The following TRIM37 variants were observed in gnomAD, a reference collection of about 807,000 sequenced individuals.
The protein encoded by TRIM37 is E3 ubiquitin-protein ligase TRIM37.
A neutral mutation model predicts 129.8 loss-of-function variants in TRIM37; 80 were observed. The observed-to-expected ratio is 0.62, with a 90% CI of 0.51 to 0.74. The LOEUF is 0.74. Among genes scored for constraint, TRIM37 ranks in the 30% least tolerant of loss-of-function variants. The pLI, the probability that TRIM37 is intolerant of heterozygous loss-of-function variation, is 0.00. For synonymous variants in TRIM37, 389 were observed against 387.1 expected (o/e 1.00, Z -0.06); for missense variants, 1,054 against 1,176.5 (o/e 0.90, Z 1.52).
intron 11 of TRIM37, among the ~76,000 whole-genome samples, 174 bp from the exon 12 acceptor site, chr17:59,061,282 A>C (rs1427249682): frequency 6.6e-6 from 1 of 150,958 alleles, no homozygotes; most frequent in African/African-American, 2.4e-5. Context: ...TTTGTGCATT[A>C]AAAAAAAAGT....
chr17:58,982,258 C>G (rs2051702855), downstream of TRIM37: 1 of 152,518 alleles, frequency 6.6e-6, no homozygotes, highest in South Asian at 2.1e-4. Flanking sequence ...TATTTTGAAA[C>G]TGTCTGCTTT....
chr17:59,060,903 A>ATAT, intron 12 of TRIM37, 129 bp downstream of exon 12: 1 of 689,834 alleles, frequency 1.4e-6, no homozygotes, highest in East Asian at 2.8e-5. Context: ...TATGATGCCA[A>ATAT]GAACATATTA....
Position 58,998,844 on chromosome 17 carries a change from A to G in TRIM37, c.*533T>C. ...GATACATACTCCAAAAAGGAGATTC[A>G]GTCTAGTGTTACTTCAGTTATTCAC... On this transcript the variant is annotated 3_prime_UTR_variant, in exon 24 of 24. Coordinates refer to ENST00000262294, the MANE Select transcript of TRIM37 (RefSeq NM_015294.6). 1.0e-6 allele frequency: 1 copy of G among 990,742 alleles called. No homozygotes were observed. Among genetic ancestry groups the G allele is most frequent in the Non-Finnish European group, 1.2e-6 (1 of 833,044 alleles). 61.4% of individuals were successfully genotyped at this position (990,742 alleles called of 1,614,324 possible).
intron 22 of TRIM37, among the ~76,000 whole-genome samples, chr17:59,011,194 AAG>A (rs905626558): frequency 1.3e-5 from 2 of 152,004 alleles, no homozygotes; most frequent in African/African-American, 4.8e-5. Flanking sequence ...ACAACAGAAA[AAG>A]AAAGTATTCC....
Position 59,047,743 on chromosome 17 carries a change from G to T in TRIM37, c.1607C>A (p.Ser536Tyr). ...DEVNQLDGSS[S>Y]SASSTATSNT... is the part of the protein sequence containing the mutation. ...ACTTGTTGCTGTGGAACTAGCAGAG[G>T]AACTGCTGCCATCGAGCTGATTTAC... The change falls in exon 16 of 24, where the codon TCC (serine) becomes TAC (tyrosine). Residue 536 changes from serine (S) to tyrosine (Y), a missense_variant. Ser to Tyr is a moderately radical substitution (Grantham distance 144). Transcript: ENST00000262294. 1 of 1,613,472 alleles carries T rather than the reference G, an allele frequency of 6.2e-7. No homozygotes were observed. The highest frequency in any genetic ancestry group is 1.7e-4 in the Middle Eastern group (1 of 6,060).
intron 24 of TRIM37, chr17:58,983,055 A>C (rs2031460545): frequency 1.2e-6 from 1 of 814,118 alleles, no homozygotes; most frequent in East Asian, 2.7e-5. Context: ...CAGAATAAAG[A>C]GGGTAAAGGG....
chr17:59,091,574 T>TAATGTATA (rs375132899), intron 2 of TRIM37, among the ~76,000 whole-genome samples: 2 of 20,808 alleles, frequency 9.6e-5, no homozygotes, highest in Non-Finnish European at 1.9e-4. Flanking sequence ...ATATAATATA[T>TAATGTATA]ATAATGTATA....
intron 17 of TRIM37, among the ~76,000 whole-genome samples, chr17:59,040,558 G>T (rs1303814685): frequency 6.6e-6 from 1 of 152,050 alleles, no homozygotes; most frequent in Non-Finnish European, 1.5e-5. Flanking sequence ...CCAAGACATG[G>T]GTTTGGAAAC....
chr17:58,980,546 G>A (rs2031293993), downstream of TRIM37: 1 of 1,614,114 alleles, frequency 6.2e-7, no homozygotes, highest in Non-Finnish European at 8.5e-7. This position sits in a 1 kb window ranked among gnomAD's most constrained non-coding sequence, Gnocchi z 4.7. Context: ...GTTTGGTCCT[G>A]GTGCACCAAA....
intron 16 of TRIM37, among the ~76,000 whole-genome samples, chr17:59,044,405 A>G (rs1312250006): frequency 6.6e-6 from 1 of 152,076 alleles, no homozygotes; most frequent in African/African-American, 2.4e-5. Flanking sequence ...TACTAAAACT[A>G]CAAAAAATTA....
At chr17:59,079,401 A>C (rs2043077315) in intron 7 of TRIM37, among the ~76,000 whole-genome samples, 1 of 152,312 alleles carries the variant, frequency 6.6e-6, no homozygotes, top group Non-Finnish European at 1.5e-5. Context: ...GATGTTTACA[A>C]ATGTCAGTTT....
intron 16 of TRIM37, among the ~76,000 whole-genome samples, chr17:59,045,787 G>A (rs1336282717): frequency 6.6e-6 from 1 of 151,694 alleles, no homozygotes; most frequent in African/African-American, 2.4e-5. Context: ...GGCTGAAGTG[G>A]GCAGATCACC....
At chr17:59,049,750 G>C (rs988336662) in intron 14 of TRIM37, among the ~76,000 whole-genome samples, 1 of 151,980 alleles carries the variant, frequency 6.6e-6, no homozygotes, top group African/African-American at 2.4e-5. Context: ...CTCTGGCCTC[G>C]GCCTCCCAAC....
At chr17:58,988,898 T>C (rs1056247333) in intron 24 of TRIM37, among the ~76,000 whole-genome samples, 4 of 152,182 alleles carry the variant, frequency 2.6e-5, no homozygotes, top group Non-Finnish European at 5.9e-5. Flanking sequence ...GTAATTTTGG[T>C]TCTTGCCATT....
chr17:59,075,963 A>T lies in TRIM37; in HGVS notation c.617-249T>A, dbSNP rs2042779883. Among the ~76,000 whole-genome samples the T allele has an allele frequency of 2.0e-5, 3 of 152,240 alleles. No individual in the cohort carries two copies. The South Asian group carries it at 6.2e-4, about 32-fold the overall frequency. On this transcript the variant is annotated intron_variant, in intron 7 of 23. Coordinates refer to ENST00000262294, the MANE Select transcript of TRIM37 (RefSeq NM_015294.6). ...ACCACTGAGATCAAATTCATCTAAG[A>T]AACGAAATGTGCAATGACAATATAC...
At chr17:58,986,504 CTTTT>C (rs530928011) in intron 24 of TRIM37, among the ~76,000 whole-genome samples, 146 of 124,980 alleles carry the variant, frequency 1.2e-3, no homozygotes, top group South Asian at 6.7e-3. Flanking sequence ...TTCCATCTGT[CTTTT>C]TTTTTTTTTT....
chr17:59,061,015 T>A lies in TRIM37; in HGVS notation c.1019+17A>T. On this transcript the variant is annotated intron_variant, in intron 12 of 23. Coordinates refer to ENST00000262294, the MANE Select transcript of TRIM37 (RefSeq NM_015294.6). ...TGTAAATGCACATTAAGGTTGTTAT[T>A]TAATTACACTTCTTACTTAGAAGTT... 1 of 1,604,714 alleles carries A rather than the reference T, an allele frequency of 6.2e-7. No homozygotes were observed.
At chr17:59,057,264 G>A (rs1307741756) in intron 12 of TRIM37, among the ~76,000 whole-genome samples, 1 of 152,190 alleles carries the variant, frequency 6.6e-6, no homozygotes, top group Non-Finnish European at 1.5e-5. Flanking sequence ...TGCCCAGGCT[G>A]GAGTGCAATG....
At chr17:59,105,817 A>T (rs532632672) in intron 1 of TRIM37, among the ~76,000 whole-genome samples, 4 of 152,342 alleles carry the variant, frequency 2.6e-5, no homozygotes, top group Admixed American at 2.6e-4. Flanking sequence ...TCAGTATCTG[A>T]AAGGTTCAAA....
Sources: gnomAD v4.1 joint callset for allele counts (sites outside exome capture counted in the v4.1 genomes callset) on GRCh38, gnomAD v4.1.1 for gene constraint, Gnocchi (gnomAD v3.1) non-coding constraint, MANE v1.5 for transcripts, NCBI Gene and HGNC (gene_info 2026-07-23, HGNC 2026-07-21) for gene names.